Variants in CD164 observed in about 807,000 individuals in gnomAD.
CD164 encodes the protein CD164 molecule.
CD164 carries 11 observed loss-of-function variants against 24.6 expected under a neutral mutation model. The observed-to-expected ratio is 0.45, with a 90% confidence interval of 0.28 to 0.74. The LOEUF (loss-of-function observed/expected upper bound fraction) is 0.74, where lower values mean the gene tolerates loss of function less well. CD164 is among the 30% of genes least tolerant of loss of function. CD164 has a pLI of 0.13. For missense variants in CD164, 295 were observed against 243.7 expected (o/e 1.21, Z -1.40); for synonymous variants, 126 against 100.3 (o/e 1.26, Z -1.53).
intron 1 of CD164, chr6:109,381,420 A>T: frequency 1.5e-6 from 1 of 684,116 alleles, no homozygotes; most frequent in Non-Finnish European, 2.6e-6. Flanking sequence ...TTTTAAAAAC[A>T]ATTGAAAAAA....
At chr6:109,373,790 A>G (rs1771239265) in intron 4 of CD164, among the ~76,000 whole-genome samples, 1 of 152,228 alleles carries the variant, frequency 6.6e-6, no homozygotes, top group South Asian at 2.1e-4. Flanking sequence ...ATCACCATAT[A>G]ATCATCAGCT....
rs1681142631 is a variant in CD164, at chr6:109,382,437, C to T, written c.-59G>A. 9 of 1,399,626 alleles carry T rather than the reference C, an allele frequency of 6.4e-6. No homozygotes were observed. Among genetic ancestry groups the T allele is most frequent in the Non-Finnish European group, 7.5e-6 (8 of 1,064,514 alleles). The allele number at this position is 1,399,626 out of a possible 1,614,324, so 86.7% of individuals were successfully genotyped here. ...AAGGCTCGCAACGCTCAGTCAACCC[C>T]TCAATCCCCTGCGGCGCCGCCTCCG... On this transcript the variant is annotated 5_prime_UTR_variant, in exon 1 of 6. Transcript: ENST00000310786.
Position 109,368,671 on chromosome 6 carries a change from C to T in CD164, c.*180G>A. On this transcript the variant is annotated 3_prime_UTR_variant, in exon 6 of 6. Coordinates refer to ENST00000310786, the MANE Select transcript of CD164 (RefSeq NM_006016.6). Reference sequence around the variant, plus strand: ...GAATATTTTAAATATTCCTGTTGAACACAATGATTTAATTGATTTTTTCTT... The same window carrying T: ...GAATATTTTAAATATTCCTGTTGAATACAATGATTTAATTGATTTTTTCTT... 7.2e-7 allele frequency: 1 copy of T among 1,379,340 alleles called. No homozygotes were observed. Among genetic ancestry groups the T allele is most frequent in the East Asian group, 2.7e-5 (1 of 36,570 alleles). 85.4% of individuals were successfully genotyped at this position (1,379,340 alleles called of 1,614,324 possible). A position where few individuals can be genotyped will look rare whatever the true frequency, so the allele number is the denominator to read the frequency against.
intron 3 of CD164, among the ~76,000 whole-genome samples, chr6:109,376,784 T>G (rs1771434260): frequency 6.6e-6 from 1 of 152,230 alleles, no homozygotes; most frequent in Admixed American, 6.5e-5. Flanking sequence ...CTAAGCAATA[T>G]TACAAAACCA....
At position 109,368,478 on chromosome 6, in the gene CD164, T is replaced by C. The variant is rs9487074; in HGVS notation, c.*373A>G. On this transcript the variant is annotated 3_prime_UTR_variant, in exon 6 of 6. Coordinates refer to ENST00000310786, the MANE Select transcript of CD164 (RefSeq NM_006016.6). ...ATTTGGCACGTTCTTCTCAATTCTGTTCACTAAATTAAAATTACTAAATTT... is the reference window on the plus strand; with the variant it reads ...ATTTGGCACGTTCTTCTCAATTCTGCTCACTAAATTAAAATTACTAAATTT... 91,436 of 1,359,732 alleles carry C rather than the reference T, an allele frequency of 0.067. 3,439 individuals are homozygous for C. The highest frequency in any genetic ancestry group is 0.14 in the South Asian group (7,001 of 51,226). 84.2% of individuals were successfully genotyped at this position (1,359,732 alleles called of 1,614,324 possible). A position where few individuals can be genotyped will look rare whatever the true frequency, so the allele number is the denominator to read the frequency against.
chr6:109,378,349 G>C (rs1771537565), intron 2 of CD164, among the ~76,000 whole-genome samples: 1 of 152,096 alleles, frequency 6.6e-6, no homozygotes, highest in African/African-American at 2.4e-5. Context: ...TGGGAGGCCA[G>C]GGTGGGAAGA....
At chr6:109,380,107 G>A (rs1448020126) in intron 1 of CD164, 1 of 152,518 alleles carries the variant, frequency 6.6e-6, no homozygotes, top group East Asian at 1.9e-4. Context: ...AGTTTAACAG[G>A]TTGAACCCAA....
At chr6:109,378,016 A>G (rs1771517410) in intron 2 of CD164, 45 bp from the exon 3 acceptor site, 1 of 1,480,638 alleles carries the variant, frequency 6.8e-7, no homozygotes, top group South Asian at 1.1e-5. Flanking sequence ...TCAACCACCC[A>G]TTTGTATTAT....
Position 109,382,368 on chromosome 6 carries a change from A to AGCTTTGG in CD164, c.10_11insCCAAAGC (p.Leu4ProfsTer61). ...GGCGGCCCAAAGCAGTGAGCGGGAGAGCCGCGACATCGTGTCCTCAGCGCT... is the reference window on the plus strand; with the variant it reads ...GGCGGCCCAAAGCAGTGAGCGGGAGAGCTTTGGGCCGCGACATCGTGTCCTCAGCGCT... On this transcript the variant is annotated frameshift_variant, in exon 1 of 6. Transcript: ENST00000310786. LOFTEE classifies it high-confidence loss of function. 1 of 1,544,558 alleles carries AGCTTTGG rather than the reference A, an allele frequency of 6.5e-7. No individual in the cohort carries two copies. Among genetic ancestry groups the AGCTTTGG allele is most frequent in the Non-Finnish European group, 8.7e-7 (1 of 1,151,074 alleles).
chr6:109,375,548 G>T (rs1853330), intron 4 of CD164, among the ~76,000 whole-genome samples: 78,069 of 149,648 alleles, frequency 0.52, 21,486 homozygotes, highest in African/African-American at 0.71. Flanking sequence ...ACTTGGGAGG[G>T]GAAGGTTGCA....
intron 2 of CD164, 63 bp from the exon 3 acceptor site, chr6:109,378,034 T>TCTGCTTAG (rs1223263108): frequency 9.0e-6 from 12 of 1,331,418 alleles, no homozygotes; most frequent in Non-Finnish European, 1.2e-5. Flanking sequence ...TATCTTTGAC[T>TCTGCTTAG]CTGCTACTAA....
intron 4 of CD164, chr6:109,375,850 G>T: frequency 2.1e-6 from 1 of 487,646 alleles, no homozygotes; most frequent in Non-Finnish European, 3.5e-6. Context: ...AATGTACACA[G>T]CCTCAGCAAA....
At chr6:109,369,442 C>A in intron 5 of CD164, among the ~76,000 whole-genome samples, 1 of 151,954 alleles carries the variant, frequency 6.6e-6, no homozygotes, top group Non-Finnish European at 1.5e-5. Flanking sequence ...TTTCATGTTA[C>A]AAAAATAATC....
chr6:109,379,849 G>A, intron 1 of CD164, 187 bp from the exon 2 acceptor site: 1 of 527,562 alleles, frequency 1.9e-6, no homozygotes, highest in Non-Finnish European at 3.3e-6. Context: ...GTAAGTAAAC[G>A]CATTAGAAAA....
chr6:109,382,142 G>T (rs1771792950), intron 1 of CD164, 62 bp downstream of exon 1: 25 of 1,321,338 alleles, frequency 1.9e-5, no homozygotes, highest in Non-Finnish European at 2.3e-5. Flanking sequence ...CCCGCACGGC[G>T]AGGAGGCAGT....
At chr6:109,372,233 G>A (rs1236484024) in intron 4 of CD164, 1 of 152,122 alleles carries the variant, frequency 6.6e-6, no homozygotes, top group African/African-American at 2.4e-5. Flanking sequence ...GAAGTTCTGT[G>A]CTTTAACAGT....
chr6:109,382,459 T>G lies in CD164; in HGVS notation c.-81A>C. On this transcript the variant is annotated 5_prime_UTR_variant, in exon 1 of 6. Coordinates refer to ENST00000310786, the MANE Select transcript of CD164 (RefSeq NM_006016.6). Reference sequence around the variant, plus strand: ...CCCCTCAATCCCCTGCGGCGCCGCCTCCGAGACTACGCTCCCCCGCGGGAG... The same window carrying G: ...CCCCTCAATCCCCTGCGGCGCCGCCGCCGAGACTACGCTCCCCCGCGGGAG... 2.3e-6 allele frequency: 3 copies of G among 1,316,406 alleles called. No individual in the cohort carries two copies. The highest frequency in any genetic ancestry group is 3.0e-5 in the Admixed American group (1 of 33,608). The allele number at this position is 1,316,406 out of a possible 1,614,324, so 81.5% of individuals were successfully genotyped here. A position where few individuals can be genotyped will look rare whatever the true frequency, so the allele number is the denominator to read the frequency against.
chr6:109,379,259 C>A (rs1329836380), intron 2 of CD164, among the ~76,000 whole-genome samples: 2 of 152,102 alleles, frequency 1.3e-5, no homozygotes, highest in African/African-American at 4.8e-5. Flanking sequence ...GTAGTCTTGG[C>A]TACTAGGGAG....
chr6:109,372,844 T>C (rs1024119498), intron 4 of CD164: 4 of 152,230 alleles, frequency 2.6e-5, no homozygotes, highest in Non-Finnish European at 4.4e-5. Context: ...TTCTGCAAAT[T>C]TGCAATTTGG....
Sources: allele counts gnomAD v4.1 joint callset (sites outside exome capture counted in the v4.1 genomes callset), GRCh38; gene constraint gnomAD v4.1.1; transcripts MANE v1.5; gene names NCBI Gene and HGNC (gene_info 2026-07-23, HGNC 2026-07-21).